CTSH: variants seen among roughly 807,000 people sequenced by gnomAD.
The protein encoded by CTSH is pro-cathepsin H.
A neutral mutation model predicts 56.3 loss-of-function variants in CTSH; 52 were observed. That is an observed-to-expected ratio of 0.92 (90% CI 0.74 to 1.16). CTSH has a LOEUF of 1.16. Ranked by LOEUF, CTSH falls within the 50% of genes most tolerant of loss-of-function variation. CTSH has a pLI of 0.00. For missense variants in CTSH, 406 were observed against 424.5 expected, an observed-to-expected ratio of 0.96 and a Z score of 0.38; for synonymous variants, 174 against 155.7, an observed-to-expected ratio of 1.12 and a Z score of -0.88.
rs1246163765 is a variant in CTSH, at chr15:78,924,100, G to T, written c.807-982C>A. On this transcript the variant is annotated intron_variant, in intron 10 of 11. Transcript: ENST00000220166. Reference sequence around the variant, plus strand: ...GGTGGGGGGGATCCAACCCAGCGGGGGGGGGGGGGAGGGTGGGCAGGGTGG... The same window carrying T: ...GGTGGGGGGGATCCAACCCAGCGGGTGGGGGGGGGAGGGTGGGCAGGGTGG... Among the ~76,000 whole-genome samples the T allele has an allele frequency of 2.2e-4, 28 of 124,920 alleles. 1 individual carries two copies. In the East Asian group the frequency reaches 0.012, roughly 55 times the overall value. 82.0% of individuals were successfully genotyped at this position (124,920 alleles called of 152,430 possible). A position where few individuals can be genotyped will look rare whatever the true frequency, so the allele number is the denominator to read the frequency against.
At chr15:78,924,431 G>GA (rs1266032385) in intron 10 of CTSH, among the ~76,000 whole-genome samples, 1 of 151,804 alleles carries the variant, frequency 6.6e-6, no homozygotes, top group Non-Finnish European at 1.5e-5. Context: ...GACCAGGGCA[G>GA]AGCCTCAGGG....
At chr15:78,931,601 G>C (rs921049478) in intron 6 of CTSH, 95 bp from the exon 7 acceptor site, 31 of 1,600,492 alleles carry the variant, frequency 1.9e-5, no homozygotes, top group Non-Finnish European at 2.6e-5. Flanking sequence ...CCACATCTGA[G>C]GCCCCGTCAG....
At chr15:78,935,543 C>T in intron 4 of CTSH, 137 bp downstream of exon 4, 5 of 671,372 alleles carry the variant, frequency 7.4e-6, no homozygotes, top group Non-Finnish European at 1.3e-5. Context: ...TCTTCTGGTT[C>T]CCCCAAAGAA....
chr15:78,938,059 T>G (rs2055213363), intron 2 of CTSH, among the ~76,000 whole-genome samples: 1 of 152,164 alleles, frequency 6.6e-6, no homozygotes, highest in African/African-American at 2.4e-5. Context: ...TTTTGAACAC[T>G]TGGTCTCATT....
chr15:78,944,903 C>A lies in CTSH; in HGVS notation c.79G>T (p.Val27Leu). The A allele has an allele frequency of 6.5e-7, 1 of 1,548,728 alleles. No homozygotes were observed. The highest frequency in any genetic ancestry group is 8.7e-7 in the Non-Finnish European group (1 of 1,146,040). The part of the protein sequence containing the change: ...VPVCGAAELC[V>L]NSLEKFHFKS... The stretch of plus-strand genomic sequence containing the variant: ...GCCCTCTGCGTACCTAAGGAGTTCA[C>A]GCACAGTTCGGCGGCACCGCAGACG... Residue 27 changes from valine to leucine, a missense_variant, in exon 1 of 12, where the codon GTG (valine) becomes TTG (leucine). Transcript: ENST00000220166.
chr15:78,929,409 T>C lies in CTSH; in HGVS notation c.630+3A>G. On this transcript the variant is annotated splice_donor_region_variant and intron_variant, in intron 8 of 11. Coordinates refer to ENST00000220166, the MANE Select transcript of CTSH (RefSeq NM_004390.5). ...AAGACAGAGTGGAGGCTGTTGGAGT[T>C]ACCTTGCCCTGGTAGGGGTAGGTGT... is the stretch of plus-strand genomic sequence containing the variant. 1 of 1,610,336 alleles carries C rather than the reference T, an allele frequency of 6.2e-7. No homozygotes were observed. Among genetic ancestry groups the C allele is most frequent in the Non-Finnish European group, 8.5e-7 (1 of 1,177,350 alleles).
intron 5 of CTSH, chr15:78,933,646 C>A: frequency 2.6e-6 from 1 of 382,796 alleles, no homozygotes; most frequent in Admixed American, 2.8e-5. Flanking sequence ...AAGCTCACTG[C>A]TGAAGGAGGC....
At chr15:78,937,541 C>T in intron 2 of CTSH, 118 bp from the exon 3 acceptor site, 2 of 1,352,930 alleles carry the variant, frequency 1.5e-6, no homozygotes, top group Non-Finnish European at 2.0e-6. Flanking sequence ...GATTCTCAGG[C>T]CAAATCTGTG....
At position 78,937,318 on chromosome 15, in the gene CTSH, T is replaced by G; in HGVS notation, c.229A>C (p.Met77Leu). 6.2e-7 allele frequency: 1 copy of G among 1,613,184 alleles called. No homozygotes were observed. The highest frequency in any genetic ancestry group is 8.5e-7 in the Non-Finnish European group (1 of 1,179,280). ...GAAGGAAGGAAGGCGTTCCACGTAC[T>G]TTTAAATGTGTGGTTCCCATTGTTG... Reference protein sequence around the residue: ...AHNNGNHTFKMALNQFSDMSF... With the variant: ...AHNNGNHTFKLALNQFSDMSF... Residue 77 changes from methionine (M) to leucine (L), a missense_variant and splice_region_variant, in exon 3 of 12, where the codon ATG becomes CTG. By Grantham distance (15) the Met-to-Leu change is conservative. Transcript: ENST00000220166.
rs149186916 is a variant in CTSH at position 78,924,843 on chromosome 15, C to T, written c.806+491G>A. Among the ~76,000 whole-genome samples, 23 of 150,442 alleles carry T rather than the reference C, an allele frequency of 1.5e-4. No individual in the cohort carries two copies. The East Asian group carries it at 4.5e-3, about 29-fold the overall frequency. On this transcript the variant is annotated intron_variant, in intron 10 of 11. Transcript: ENST00000220166. ...TAGCTGGGATTATAGGCATGCACCACCACGCTGGCTTTTTTTTTTTTTTTG... is the reference window on the plus strand; with the variant it reads ...TAGCTGGGATTATAGGCATGCACCATCACGCTGGCTTTTTTTTTTTTTTTG...
At chr15:78,942,476 G>C (rs988561532) in intron 1 of CTSH, among the ~76,000 whole-genome samples, 1 of 152,180 alleles carries the variant, frequency 6.6e-6, no homozygotes, top group Non-Finnish European at 1.5e-5. Flanking sequence ...GCCTACCAAA[G>C]TGCTGGGATC....
intron 6 of CTSH, 72 bp downstream of exon 6, chr15:78,932,300 C>A (rs1251813595): frequency 7.1e-7 from 1 of 1,416,940 alleles, no homozygotes; most frequent in East Asian, 2.3e-5. Context: ...CCAGGGAAAC[C>A]AAAGGCCCAG....
At chr15:78,938,462 C>G (rs2055222352) in intron 2 of CTSH, among the ~76,000 whole-genome samples, 1 of 152,190 alleles carries the variant, frequency 6.6e-6, no homozygotes, top group African/African-American at 2.4e-5. Flanking sequence ...ATTCTACTGT[C>G]TTTCTTCATC....
intron 5 of CTSH, among the ~76,000 whole-genome samples, chr15:78,933,084 C>T (rs1339844484): frequency 3.9e-5 from 6 of 152,280 alleles, no homozygotes; most frequent in South Asian, 4.1e-4. Context: ...CTGGGGGACC[C>T]GCCCCATCCA....
Position 78,922,998 on chromosome 15 carries a change from C to A in CTSH, c.927G>T (p.Met309Ile). The change falls in exon 11 of 12, where the codon ATG becomes ATT. Residue 309 changes from methionine (M) to isoleucine (I), a missense_variant. Met to Ile is a conservative substitution (Grantham distance 10). Coordinates refer to ENST00000220166, the MANE Select transcript of CTSH (RefSeq NM_004390.5). ...VKNSWGPQWGMNGYFLIERGK... is the reference protein window; with the variant it reads ...VKNSWGPQWGINGYFLIERGK... ...GGGACCTGGGAGCTGCTTACCCGTT[C>A]ATTCCCCACTGGGGACCCCAAGAGT... 1.9e-6 allele frequency: 3 copies of A among 1,609,754 alleles called. No individual in the cohort carries two copies. The highest frequency in any genetic ancestry group is 2.5e-6 in the Non-Finnish European group (3 of 1,178,792).
chr15:78,939,118 AAAG>A lies in CTSH; in HGVS notation c.123+19_123+21del, dbSNP rs757392564. On this transcript the variant is annotated intron_variant, in intron 2 of 11. Transcript: ENST00000220166. ...AACTTTGTGAAATGAAAAACTTCAA[AAAG>A]AAGAAGTTGGGCACTGACCTTAGAC... The A allele has an allele frequency of 1.2e-4, 184 of 1,585,300 alleles. No homozygotes were observed. In the Admixed American group the frequency reaches 1.5e-3, roughly 13 times the overall value.
chr15:78,936,512 C>A (rs1225077804), intron 3 of CTSH, among the ~76,000 whole-genome samples: 3 of 152,124 alleles, frequency 2.0e-5, no homozygotes, highest in African/African-American at 7.2e-5. Context: ...TAGGACTGGG[C>A]AGAAATGAGG....
chr15:78,933,450 G>A (rs1352776794), intron 5 of CTSH: 2 of 403,006 alleles, frequency 5.0e-6, no homozygotes, highest in Admixed American at 2.8e-5. Flanking sequence ...CAGTCTTCCA[G>A]CTTCTACTTC....
chr15:78,942,762 A>G (rs747218877), intron 1 of CTSH, among the ~76,000 whole-genome samples: 8 of 152,194 alleles, frequency 5.3e-5, no homozygotes, highest in Non-Finnish European at 7.4e-5. Context: ...TTGGAAATAA[A>G]AGGTCTGTAA....
Sources: allele counts gnomAD v4.1 joint callset (sites outside exome capture counted in the v4.1 genomes callset), GRCh38; gene constraint gnomAD v4.1.1; transcripts MANE v1.5; gene names NCBI Gene and HGNC (gene_info 2026-07-23, HGNC 2026-07-21).